TTC29: variants seen among roughly 807,000 people sequenced by gnomAD.
TTC29 encodes the protein tetratricopeptide repeat domain 29.
A neutral mutation model predicts 58.1 loss-of-function variants in TTC29; 49 were observed. That is an observed-to-expected ratio of 0.84 (90% CI 0.67 to 1.07). The LOEUF (loss-of-function observed/expected upper bound fraction) is 1.07. Ranked by LOEUF, TTC29 falls within the 50% of genes least tolerant of loss-of-function variation. TTC29 has a pLI of 0.00. For synonymous variants in TTC29, 209 were observed against 196.8 expected, an observed-to-expected ratio of 1.06 and a Z score of -0.52; for missense variants, 582 against 555.6, an observed-to-expected ratio of 1.05 and a Z score of -0.48.
intron 11 of TTC29, among the ~76,000 whole-genome samples, chr4:146,776,441 T>C (rs1295827630): frequency 8.5e-6 from 1 of 118,110 alleles, no homozygotes; most frequent in Non-Finnish European, 1.6e-5. Flanking sequence ...CCTTTGGATG[T>C]TTTTTTTTTT....
At chr4:146,803,376 T>C (rs780271916) in intron 11 of TTC29, 81 bp downstream of exon 11, 6 of 1,018,240 alleles carry the variant, frequency 5.9e-6, no homozygotes, top group Non-Finnish European at 8.5e-6. Flanking sequence ...CACCGACATT[T>C]GAGTGAAACT....
At chr4:146,876,084 C>T (rs1731238212) in intron 6 of TTC29, among the ~76,000 whole-genome samples, 1 of 152,162 alleles carries the variant, frequency 6.6e-6, no homozygotes, top group South Asian at 2.1e-4. Context: ...TGTTCCTAGC[C>T]CAGCTTTCCC....
At chr4:146,831,561 T>A (rs895273088) in intron 9 of TTC29, 1 of 253,204 alleles carries the variant, frequency 3.9e-6, no homozygotes, top group African/African-American at 2.2e-5. Flanking sequence ...AACTTCATGA[T>A]ATATCAAATA....
intron 11 of TTC29, among the ~76,000 whole-genome samples, chr4:146,725,112 T>G (rs963060091): frequency 1.3e-5 from 2 of 152,220 alleles, no homozygotes; most frequent in Non-Finnish European, 2.9e-5. Context: ...TCGATTGCAC[T>G]GTGGTAGGGA....
At chr4:146,792,985 A>G (rs145879805) in intron 11 of TTC29, among the ~76,000 whole-genome samples, 2 of 152,314 alleles carry the variant, frequency 1.3e-5, no homozygotes, top group Non-Finnish European at 2.9e-5. Context: ...TGGAGCCTGA[A>G]TATCTGAGTG....
chr4:146,928,420 T>TA (rs1360729163), intron 4 of TTC29, among the ~76,000 whole-genome samples: 5 of 152,212 alleles, frequency 3.3e-5, no homozygotes, highest in African/African-American at 1.2e-4. Flanking sequence ...GAAAGTGCTC[T>TA]ACAAATATTA....
intron 11 of TTC29, among the ~76,000 whole-genome samples, chr4:146,711,439 C>T (rs1015138581): frequency 6.6e-6 from 1 of 151,990 alleles, no homozygotes; most frequent in Admixed American, 6.6e-5. Context: ...TTAGCTGGAC[C>T]CTGCAGGCTA....
rs549223694 is a variant in TTC29, at chr4:146,736,669, T to C, written c.1331-29118A>G. On this transcript the variant is annotated intron_variant, in intron 11 of 12. Coordinates refer to ENST00000325106, the MANE Select transcript of TTC29 (RefSeq NM_031956.4). ...TCCACTTGATGGACATTTAACCTGTTATGGGACATTAAGTAAAGCTACCCT... is the reference window on the plus strand; with the variant it reads ...TCCACTTGATGGACATTTAACCTGTCATGGGACATTAAGTAAAGCTACCCT... Among the ~76,000 whole-genome samples, 52 of 152,234 alleles carry C rather than the reference T, an allele frequency of 3.4e-4. No individual in the cohort carries two copies. In the Middle Eastern group the frequency reaches 0.017, roughly 50 times the overall value.
intron 6 of TTC29, among the ~76,000 whole-genome samples, chr4:146,879,870 A>T (rs1022236749): frequency 1.3e-5 from 2 of 152,200 alleles, no homozygotes; most frequent in African/African-American, 4.8e-5. Flanking sequence ...AGGCCTGGGG[A>T]CTATTCACAG....
chr4:146,798,846 C>A (rs1041511804), intron 11 of TTC29, among the ~76,000 whole-genome samples: 2 of 137,102 alleles, frequency 1.5e-5, no homozygotes, highest in Non-Finnish European at 3.0e-5. Flanking sequence ...GAGATTGCAC[C>A]GCTGCACTCT....
intron 4 of TTC29, among the ~76,000 whole-genome samples, chr4:146,925,035 A>G (rs544935747): frequency 2.0e-5 from 3 of 152,150 alleles, no homozygotes; most frequent in South Asian, 2.1e-4. Flanking sequence ...TCTTTCTGCT[A>G]TCATTTTTAA....
intron 8 of TTC29, among the ~76,000 whole-genome samples, chr4:146,859,266 T>C (rs1435040215): frequency 6.6e-6 from 1 of 152,168 alleles, no homozygotes; most frequent in Admixed American, 6.6e-5. Flanking sequence ...AGCTGAAGTA[T>C]GGGAAATGAC....
At chr4:146,722,172 A>T (rs1743410446) in intron 11 of TTC29, among the ~76,000 whole-genome samples, 1 of 152,218 alleles carries the variant, frequency 6.6e-6, no homozygotes, top group Non-Finnish European at 1.5e-5. Context: ...CATAGATGAC[A>T]CAAACCAATG....
chr4:146,887,846 G>T (rs1732090258), intron 6 of TTC29, among the ~76,000 whole-genome samples: 1 of 151,994 alleles, frequency 6.6e-6, no homozygotes, highest in South Asian at 2.1e-4. Context: ...AATCACCAGA[G>T]AACAATTCTT....
At chr4:146,851,205 T>A (rs747778481) in intron 8 of TTC29, among the ~76,000 whole-genome samples, 19 of 152,238 alleles carry the variant, frequency 1.2e-4, no homozygotes, top group Admixed American at 2.6e-4. Context: ...GCTTTCTGTA[T>A]GTTAACTTAT....
chr4:146,789,232 A>C (rs1229434895), intron 11 of TTC29, among the ~76,000 whole-genome samples: 2 of 152,200 alleles, frequency 1.3e-5, no homozygotes, highest in Admixed American at 6.5e-5. Context: ...GTGAACTATC[A>C]CGTATTCATG....
intron 11 of TTC29, among the ~76,000 whole-genome samples, chr4:146,785,336 G>A (rs922439261): frequency 7.9e-5 from 12 of 151,864 alleles, no homozygotes; most frequent in African/African-American, 2.9e-4. Flanking sequence ...TACACTTATT[G>A]AGGGATAAAT....
At chr4:146,779,761 T>G (rs1748446764) in intron 11 of TTC29, among the ~76,000 whole-genome samples, 1 of 152,280 alleles carries the variant, frequency 6.6e-6, no homozygotes, top group East Asian at 1.9e-4. Context: ...TCATTTTACT[T>G]CCTTTACATT....
chr4:146,930,624 T>C (rs35168292), intron 4 of TTC29, among the ~76,000 whole-genome samples: 42,535 of 152,146 alleles, frequency 0.28, 6,466 homozygotes, highest in South Asian at 0.41. Flanking sequence ...ATTTTAAGGA[T>C]TGTTTTTTAG....
Sources: allele counts gnomAD v4.1 joint callset (sites outside exome capture counted in the v4.1 genomes callset), GRCh38; gene constraint gnomAD v4.1.1; transcripts MANE v1.5; gene names NCBI Gene and HGNC (gene_info 2026-07-23, HGNC 2026-07-21).